PDE4D: variants seen among roughly 807,000 people sequenced by gnomAD.
PDE4D encodes the protein phosphodiesterase 4D, also known as 3',5'-cyclic-AMP phosphodiesterase 4D.
PDE4D carries 24 observed loss-of-function variants against 87.4 expected under a neutral mutation model. That is an observed-to-expected ratio of 0.27 (90% CI 0.20 to 0.39). The LOEUF (loss-of-function observed/expected upper bound fraction) is 0.39, where lower values mean the gene tolerates loss of function less well. PDE4D is among the 10% of genes least tolerant of loss of function. The pLI is 1.00. For missense variants in PDE4D, 714 were observed against 1,041.0 expected (o/e 0.69, Z 4.32); for synonymous variants, 384 against 383.2 (o/e 1.00, Z -0.02).
At chr5:59,408,467 G>T (rs1016046457) in intron 1 of PDE4D, among the ~76,000 whole-genome samples, 1 of 152,210 alleles carries the variant, frequency 6.6e-6, no homozygotes, top group South Asian at 2.1e-4. Context: ...CTCTACTAAG[G>T]TAGTGCAGAA....
intron 1 of PDE4D, among the ~76,000 whole-genome samples, chr5:59,780,002 T>C (rs896666476): frequency 6.6e-6 from 1 of 152,216 alleles, no homozygotes; most frequent in African/African-American, 2.4e-5. Flanking sequence ...TCAATTTCCC[T>C]GTACTAGTTG....
chr5:60,072,814 C>G (rs1772865909), intron 2 of PDE4D, among the ~76,000 whole-genome samples: 3 of 151,988 alleles, frequency 2.0e-5, no homozygotes. Context: ...GGTGTGCAGC[C>G]TTATTTCAGG....
intron 2 of PDE4D, among the ~76,000 whole-genome samples, chr5:60,117,017 A>T (rs1778232103): frequency 6.8e-6 from 1 of 146,172 alleles, no homozygotes; most frequent in Non-Finnish European, 1.5e-5. Flanking sequence ...AAGAAAAATA[A>T]TTTGACATTA....
At chr5:59,654,101 G>C (rs1743976537) in intron 1 of PDE4D, among the ~76,000 whole-genome samples, 1 of 152,192 alleles carries the variant, frequency 6.6e-6, no homozygotes, top group Admixed American at 6.5e-5. Flanking sequence ...AGCTACTCTG[G>C]AGGCTGAGGT....
chr5:59,283,653 C>A (rs1302844899), intron 1 of PDE4D, among the ~76,000 whole-genome samples: 2 of 152,056 alleles, frequency 1.3e-5, no homozygotes, highest in Non-Finnish European at 2.9e-5. Context: ...GCCTGGGGAA[C>A]CTCTCACCTT....
At chr5:59,699,701 G>A (rs1752288578) in intron 1 of PDE4D, among the ~76,000 whole-genome samples, 1 of 152,076 alleles carries the variant, frequency 6.6e-6, no homozygotes, top group Admixed American at 6.6e-5. Flanking sequence ...CTTTGTTTAT[G>A]GACACTGACT....
At chr5:59,947,454 G>C (rs189974874) in intron 3 of PDE4D, among the ~76,000 whole-genome samples, 11 of 152,262 alleles carry the variant, frequency 7.2e-5, no homozygotes, top group Admixed American at 3.9e-4. Flanking sequence ...CCTACAGATT[G>C]TAAGTCTTAC....
At chr5:59,202,001 T>A (rs1202168380) in intron 2 of PDE4D, among the ~76,000 whole-genome samples, 2 of 151,574 alleles carry the variant, frequency 1.3e-5, no homozygotes, top group East Asian at 3.9e-4. Flanking sequence ...TGTTTGTATA[T>A]CTGTGTATGC....
intron 6 of PDE4D, among the ~76,000 whole-genome samples, chr5:59,028,628 G>T (rs1359033483): frequency 6.6e-6 from 1 of 151,854 alleles, no homozygotes; most frequent in African/African-American, 2.4e-5. Context: ...ATTCAGGCAG[G>T]CTGTCTATAG....
Position 59,542,658 on chromosome 5 carries a change from T to C in PDE4D, c.456-326690A>G, listed in dbSNP as rs986828496. 3.3e-5 allele frequency among the ~76,000 whole-genome samples: 5 copies of C among 152,290 alleles called. No individual in the cohort carries two copies. The East Asian group carries it at 7.7e-4, about 24-fold the overall frequency. On this transcript the variant is annotated intron_variant, in intron 1 of 14. Coordinates refer to ENST00000340635, the MANE Select transcript of PDE4D (RefSeq NM_001104631.2). ...ATTTCTAAATTCCAGAACAAATCTC[T>C]CTCTTGAAATTCTATTTAAAATACA...
At chr5:60,426,154 C>T (rs1002959550) in intron 1 of PDE4D, among the ~76,000 whole-genome samples, 3 of 152,134 alleles carry the variant, frequency 2.0e-5, no homozygotes, top group African/African-American at 4.8e-5. Flanking sequence ...ACTAGAAATA[C>T]CATTTGACCC....
At chr5:59,371,509 A>T (rs1783935746) in intron 1 of PDE4D, among the ~76,000 whole-genome samples, 1 of 152,136 alleles carries the variant, frequency 6.6e-6, no homozygotes, top group Non-Finnish European at 1.5e-5. Context: ...TAGTTTGAAG[A>T]CTACTGTATC....
chr5:60,213,881 T>C lies in PDE4D; in HGVS notation c.-89-28194A>G, dbSNP rs557523189. On this transcript the variant is annotated intron_variant, in intron 1 of 16. Coordinates refer to the PDE4D transcript ENST00000502484. ...TGTCTGTAGGCACCATAGGACTTTATGCTGAATGCTTTTAGAATAATCATC... is the reference window on the plus strand; with the variant it reads ...TGTCTGTAGGCACCATAGGACTTTACGCTGAATGCTTTTAGAATAATCATC... Among the ~76,000 whole-genome samples, 12 of 152,338 alleles carry C rather than the reference T, an allele frequency of 7.9e-5. No homozygotes were observed. In the East Asian group the frequency reaches 2.3e-3, roughly 29 times the overall value.
intron 1 of PDE4D, among the ~76,000 whole-genome samples, chr5:59,320,348 TATCAGGAAGGAC>T (rs1386412324): frequency 1.3e-5 from 2 of 152,008 alleles, no homozygotes; most frequent in Admixed American, 1.3e-4. Flanking sequence ...CTATACATAA[TATCAGGAAGGAC>T]ATCTTCGGTC....
At chr5:59,876,223 G>A (rs1471466340) in intron 1 of PDE4D, among the ~76,000 whole-genome samples, 2 of 152,152 alleles carry the variant, frequency 1.3e-5, no homozygotes, top group African/African-American at 2.4e-5. Context: ...AAAAGATTAA[G>A]TGAACTGTGA....
intron 1 of PDE4D, among the ~76,000 whole-genome samples, chr5:60,220,126 C>G (rs1744318090): frequency 6.6e-6 from 1 of 152,108 alleles, no homozygotes; most frequent in Admixed American, 6.5e-5. Flanking sequence ...AGAAAAAACT[C>G]CCAGGTCTCC....
chr5:59,295,883 A>G (rs1204141325), intron 1 of PDE4D, among the ~76,000 whole-genome samples: 1 of 152,034 alleles, frequency 6.6e-6, no homozygotes, highest in Non-Finnish European at 1.5e-5. Flanking sequence ...GCTGATGGAC[A>G]GCAACTCATA....
chr5:58,997,661 A>AG (rs1429088958), intron 6 of PDE4D, among the ~76,000 whole-genome samples: 1 of 88,952 alleles, frequency 1.1e-5, no homozygotes, highest in Non-Finnish European at 2.1e-5. Flanking sequence ...ACACAGATTT[A>AG]GGGTTGCAAC....
chr5:59,845,471 A>G (rs1465851572), intron 1 of PDE4D, among the ~76,000 whole-genome samples: 7 of 152,112 alleles, frequency 4.6e-5, no homozygotes, highest in Non-Finnish European at 8.8e-5. Context: ...ATGATAAACA[A>G]GTGTGGATAC....
Sources: gnomAD v4.1 joint callset for allele counts (sites outside exome capture counted in the v4.1 genomes callset) on GRCh38, gnomAD v4.1.1 for gene constraint, MANE v1.5 for transcripts, NCBI Gene and HGNC (gene_info 2026-07-23, HGNC 2026-07-21) for gene names.